PAM: variants seen among roughly 807,000 people sequenced by gnomAD.
PAM encodes the protein peptidylglycine alpha-amidating monooxygenase.
PAM carries 72 observed loss-of-function variants against 122.1 expected under a neutral mutation model. The ratio of observed to expected loss-of-function variants is 0.59; its 90% CI spans 0.49 to 0.72. The LOEUF (loss-of-function observed/expected upper bound fraction) is 0.72. Ranked by LOEUF, PAM falls within the 30% of genes least tolerant of loss-of-function variation. PAM has a pLI of 0.00. For synonymous variants in PAM, 389 were observed against 404.4 expected (o/e 0.96, Z 0.46); for missense variants, 1,106 against 1,183.7 (o/e 0.93, Z 0.96).
intron 1 of PAM, among the ~76,000 whole-genome samples, chr5:102,796,102 G>T (rs542723384): frequency 4.2e-4 from 64 of 152,290 alleles, no homozygotes; most frequent in African/African-American, 1.4e-3. Context: ...GCCCTTGGAA[G>T]AGGCACTGGA....
chr5:103,017,290 A>G, intron 21 of PAM, 44 bp from the exon 22 acceptor site: 1 of 1,186,100 alleles, frequency 8.4e-7, no homozygotes. Flanking sequence ...GAAGGATTCA[A>G]GTAAAGGCTC....
intron 1 of PAM, among the ~76,000 whole-genome samples, chr5:102,863,877 C>T (rs1784808129): frequency 6.6e-6 from 1 of 150,794 alleles, no homozygotes; most frequent in Non-Finnish European, 1.5e-5. Flanking sequence ...TTTTATAAGA[C>T]CTTTTGTTCT....
chr5:102,773,598 C>T (rs1756367314), intron 1 of PAM, among the ~76,000 whole-genome samples: 1 of 152,060 alleles, frequency 6.6e-6, no homozygotes, highest in Non-Finnish European at 1.5e-5. Context: ...GCAGGCAGTG[C>T]AGAAACAGTG....
chr5:102,946,974 G>T (rs946522423), intron 8 of PAM, 89 bp downstream of exon 8: 3 of 842,778 alleles, frequency 3.6e-6, no homozygotes, highest in East Asian at 5.1e-5. Context: ...ATTATCTGTG[G>T]GTAAAAATTA....
chr5:102,896,394 T>G (rs1796225411), intron 3 of PAM, among the ~76,000 whole-genome samples: 1 of 151,746 alleles, frequency 6.6e-6, no homozygotes, highest in Non-Finnish European at 1.5e-5. Context: ...TATAAAACCC[T>G]AATTAGGCAG....
chr5:102,992,907 A>G (rs566893976), intron 16 of PAM, among the ~76,000 whole-genome samples: 6 of 152,268 alleles, frequency 3.9e-5, no homozygotes, highest in East Asian at 3.9e-4. Flanking sequence ...CATTCTTTAA[A>G]TATCAGACAG....
chr5:102,834,837 C>T (rs573523933), intron 1 of PAM, among the ~76,000 whole-genome samples: 14 of 152,076 alleles, frequency 9.2e-5, no homozygotes, highest in Admixed American at 3.3e-4. Context: ...CTTTTGACTG[C>T]TGTGTATTGA....
At chr5:102,780,779 C>CTTTCTTTCT (rs2149859302) in intron 1 of PAM, among the ~76,000 whole-genome samples, 1 of 134,520 alleles carries the variant, frequency 7.4e-6, no homozygotes, top group South Asian at 2.5e-4. Flanking sequence ...TTCTTTCTTT[C>CTTTCTTTCT]TTTCTTTCTT....
chr5:102,957,055 G>A (rs1414047896), intron 12 of PAM, among the ~76,000 whole-genome samples: 3 of 152,018 alleles, frequency 2.0e-5, no homozygotes, highest in Non-Finnish European at 4.4e-5. Flanking sequence ...CTGAATGGAT[G>A]GACAGATGGA....
chr5:102,922,115 G>T (rs1747637370), intron 5 of PAM, among the ~76,000 whole-genome samples: 1 of 151,766 alleles, frequency 6.6e-6, no homozygotes, highest in African/African-American at 2.4e-5. Flanking sequence ...TCTGTACATG[G>T]AAAGTTAAAA....
intron 21 of PAM, 35 bp downstream of exon 21, chr5:103,009,901 T>C: frequency 9.1e-7 from 1 of 1,101,224 alleles, no homozygotes; most frequent in Non-Finnish European, 1.3e-6. Context: ...TCAATTTTCA[T>C]GAGAAGAAGA....
chr5:102,943,467 C>T (rs1483223820), intron 7 of PAM, among the ~76,000 whole-genome samples: 2 of 152,142 alleles, frequency 1.3e-5, no homozygotes, highest in African/African-American at 4.8e-5. Flanking sequence ...CCACTGGTTA[C>T]TTACCCATTT....
chr5:102,924,718 C>T (rs1353685730), intron 5 of PAM, among the ~76,000 whole-genome samples: 1 of 151,450 alleles, frequency 6.6e-6, no homozygotes, highest in Non-Finnish European at 1.5e-5. Flanking sequence ...ATCTCCCTCA[C>T]AGGATTGTTT....
rs533273029 is a variant in PAM, at chr5:102,947,033, A to G, written c.575+148A>G. On this transcript the variant is annotated intron_variant, in intron 8 of 25. Transcript: ENST00000438793. ...AATATGTATTGTCTCATTTTCCTGT[A>G]TGTCAGTAATTGGGCACACTTAGCT... is the stretch of plus-strand genomic sequence containing the variant. 4 of 687,874 alleles carry G rather than the reference A, an allele frequency of 5.8e-6. No homozygotes were observed. In the East Asian group the frequency reaches 1.1e-4, roughly 19 times the overall value. The allele number at this position is 687,874 out of a possible 1,614,324, so 42.6% of individuals were successfully genotyped here.
At chr5:102,880,213 G>A (rs537704533) in intron 3 of PAM, among the ~76,000 whole-genome samples, 13 of 152,134 alleles carry the variant, frequency 8.5e-5, no homozygotes, top group Admixed American at 4.6e-4. Context: ...CCTGGGAGAT[G>A]GAGGTTGCAG....
chr5:102,941,855 AAAAAG>A, intron 7 of PAM, among the ~76,000 whole-genome samples: 1 of 150,424 alleles, frequency 6.6e-6, no homozygotes, highest in Non-Finnish European at 1.5e-5. Context: ...AAAAAAAAAA[AAAAAG>A]AGCTGTGTCT....
At chr5:102,784,683 T>G (rs949583396) in intron 1 of PAM, among the ~76,000 whole-genome samples, 1 of 152,256 alleles carries the variant, frequency 6.6e-6, no homozygotes, top group South Asian at 2.1e-4. Flanking sequence ...TTTGTTGAAT[T>G]GAATTGATGT....
chr5:102,953,096 AG>A (rs1259932555), intron 12 of PAM, among the ~76,000 whole-genome samples: 1 of 152,210 alleles, frequency 6.6e-6, no homozygotes, highest in Non-Finnish European at 1.5e-5. Flanking sequence ...GTAGCCTACT[AG>A]GAAGATTTAC....
At chr5:103,011,627 G>T (rs1486770832) in intron 21 of PAM, among the ~76,000 whole-genome samples, 1 of 152,110 alleles carries the variant, frequency 6.6e-6, no homozygotes, top group Non-Finnish European at 1.5e-5. Context: ...ATACTCCATT[G>T]TGTATATGTA....
Sources: gnomAD v4.1 joint callset for allele counts (sites outside exome capture counted in the v4.1 genomes callset) on GRCh38, gnomAD v4.1.1 for gene constraint, MANE v1.5 for transcripts, NCBI Gene and HGNC (gene_info 2026-07-23, HGNC 2026-07-21) for gene names.